TBL1XR1: variants seen among roughly 807,000 people sequenced by gnomAD.
TBL1XR1 encodes F-box-like/WD repeat-containing protein TBL1XR1.
A neutral mutation model predicts 66.9 loss-of-function variants in TBL1XR1; 5 were observed. The observed-to-expected ratio is 0.07, with a 90% CI of 0.04 to 0.16. The LOEUF is 0.16. Among genes scored for constraint, TBL1XR1 ranks in the 10% least tolerant of loss-of-function variants. The pLI is 1.00. For synonymous variants in TBL1XR1, 210 were observed against 206.0 expected (o/e 1.02, Z -0.17); for missense variants, 238 against 623.2 (o/e 0.38, Z 6.58).
At chr3:177,139,893 G>A (rs1387490750) in intron 1 of TBL1XR1, among the ~76,000 whole-genome samples, 2 of 152,140 alleles carry the variant, frequency 1.3e-5, no homozygotes, top group Non-Finnish European at 2.9e-5. Flanking sequence ...TAAAATTTCA[G>A]AATGCCAAGA....
chr3:177,149,797 G>C (rs1240556241), intron 1 of TBL1XR1, among the ~76,000 whole-genome samples: 2 of 152,148 alleles, frequency 1.3e-5, no homozygotes, highest in African/African-American at 2.4e-5. Flanking sequence ...CTGGAACACA[G>C]CCGTGCTTAT....
At chr3:177,049,915 A>G (rs1716827752) in intron 7 of TBL1XR1, 82 bp downstream of exon 7, 2 of 1,487,788 alleles carry the variant, frequency 1.3e-6, no homozygotes, top group East Asian at 4.7e-5. Flanking sequence ...CTGAACAAAT[A>G]GACAAACCCT....
At chr3:177,190,126 T>C (rs1314404389) in intron 1 of TBL1XR1, among the ~76,000 whole-genome samples, 1 of 67,020 alleles carries the variant, frequency 1.5e-5, no homozygotes. Flanking sequence ...AGAGTGAAAC[T>C]CCATCTCAAA....
chr3:177,170,609 T>C (rs1447126799), intron 1 of TBL1XR1, among the ~76,000 whole-genome samples: 3 of 152,182 alleles, frequency 2.0e-5, no homozygotes, highest in Non-Finnish European at 4.4e-5. Context: ...CTCACATTTA[T>C]ATTCTAAAGT....
Position 177,048,100 on chromosome 3 carries a change from T to C in TBL1XR1, c.703-551A>G, listed in dbSNP as rs1716564925. ...TTATTAATCCCTTCCCACTATGAAA[T>C]ATTTGCCAATAAAAAGATCAACAAG... is the stretch of plus-strand genomic sequence containing the variant. On this transcript the variant is annotated intron_variant, in intron 7 of 15. Transcript: ENST00000457928. 2.0e-5 allele frequency among the ~76,000 whole-genome samples: 3 copies of C among 152,114 alleles called. No individual in the cohort carries two copies. The South Asian group carries it at 6.2e-4, about 31-fold the overall frequency.
At chr3:177,059,762 G>C (rs894197381) in intron 3 of TBL1XR1, among the ~76,000 whole-genome samples, 5 of 152,176 alleles carry the variant, frequency 3.3e-5, no homozygotes, top group Admixed American at 6.5e-5. Flanking sequence ...GGATATAATT[G>C]TGAGAGTATG....
At chr3:177,109,611 T>C (rs1725306811) in intron 1 of TBL1XR1, among the ~76,000 whole-genome samples, 1 of 152,118 alleles carries the variant, frequency 6.6e-6, no homozygotes, top group African/African-American at 2.4e-5. Flanking sequence ...ATTCACCCAC[T>C]GGGGACAAAA....
chr3:177,152,234 T>C (rs1410171548), intron 1 of TBL1XR1, among the ~76,000 whole-genome samples: 2 of 152,154 alleles, frequency 1.3e-5, no homozygotes, highest in African/African-American at 2.4e-5. Context: ...AGTTGCTACA[T>C]TCACTTTAGA....
chr3:177,144,694 A>G (rs1256605129), intron 1 of TBL1XR1, among the ~76,000 whole-genome samples: 5 of 151,962 alleles, frequency 3.3e-5, no homozygotes, highest in African/African-American at 4.8e-5. Flanking sequence ...CGGAGCTTGC[A>G]GTGCGCCGAG....
intron 1 of TBL1XR1, among the ~76,000 whole-genome samples, chr3:177,158,687 G>A (rs1406400345): frequency 6.6e-6 from 1 of 152,116 alleles, no homozygotes; most frequent in East Asian, 1.9e-4. Context: ...GAGCTAAGAA[G>A]CTGACAGACC....
At chr3:177,148,010 A>AAC (rs1730454675) in intron 1 of TBL1XR1, among the ~76,000 whole-genome samples, 1 of 152,226 alleles carries the variant, frequency 6.6e-6, no homozygotes, top group South Asian at 2.1e-4. Flanking sequence ...ACCATTAAGA[A>AAC]AGTTATCTCT....
chr3:177,097,041 G>C (rs904866059), intron 2 of TBL1XR1, among the ~76,000 whole-genome samples: 1 of 152,084 alleles, frequency 6.6e-6, no homozygotes, highest in Non-Finnish European at 1.5e-5. Context: ...AGTTTAAACA[G>C]AGAAAATCCT....
intron 1 of TBL1XR1, among the ~76,000 whole-genome samples, chr3:177,148,444 A>G (rs1730497852): frequency 6.6e-6 from 1 of 152,222 alleles, no homozygotes; most frequent in African/African-American, 2.4e-5. Flanking sequence ...TCTCAGGCAC[A>G]GTGGCTCACG....
At chr3:177,177,339 A>C (rs1734280301) in intron 1 of TBL1XR1, among the ~76,000 whole-genome samples, 1 of 151,434 alleles carries the variant, frequency 6.6e-6, no homozygotes, top group African/African-American at 2.5e-5. Flanking sequence ...TATCCCAGCT[A>C]CTCAGGAGGC....
chr3:177,030,547 G>C (rs1013344080), intron 14 of TBL1XR1, among the ~76,000 whole-genome samples: 1 of 152,112 alleles, frequency 6.6e-6, no homozygotes, highest in Non-Finnish European at 1.5e-5. Flanking sequence ...TAGGAAGGAA[G>C]AGGAAAATGG....
At chr3:177,047,674 T>A in intron 7 of TBL1XR1, 125 bp from the exon 8 acceptor site, 1 of 1,126,750 alleles carries the variant, frequency 8.9e-7, no homozygotes, top group Non-Finnish European at 1.3e-6. Context: ...TCAAAACTTG[T>A]CAGTTTTGCC....
Position 177,158,247 on chromosome 3 carries a change from T to TA in TBL1XR1, c.-122+38873dup, listed in dbSNP as rs36159061. On this transcript the variant is annotated intron_variant, in intron 1 of 15. Coordinates refer to ENST00000457928, the MANE Select transcript of TBL1XR1 (RefSeq NM_024665.7). ...TTCTTTTCTTTTTTTTTTTTTTTTTTAAGACAGTCTTGCTCAGTCGCCCAG... is the reference window on the plus strand; with the variant it reads ...TTCTTTTCTTTTTTTTTTTTTTTTTTAAAGACAGTCTTGCTCAGTCGCCCAG... Among the ~76,000 whole-genome samples, 13 of 145,472 alleles carry TA rather than the reference T, an allele frequency of 8.9e-5. No individual in the cohort carries two copies. In the East Asian group the frequency reaches 1.4e-3, roughly 16 times the overall value.
chr3:177,098,200 G>A (rs972421937), intron 2 of TBL1XR1, among the ~76,000 whole-genome samples: 4 of 147,832 alleles, frequency 2.7e-5, no homozygotes, highest in East Asian at 2.0e-4. Context: ...CAACAAGAAC[G>A]AAACTCCGTC....
intron 1 of TBL1XR1, among the ~76,000 whole-genome samples, chr3:177,184,569 A>G (rs1387581706): frequency 6.6e-6 from 1 of 152,234 alleles, no homozygotes; most frequent in Non-Finnish European, 1.5e-5. Context: ...TGGGAGGCAG[A>G]GGCCAGTGGA....
Sources: allele counts gnomAD v4.1 joint callset (sites outside exome capture counted in the v4.1 genomes callset), GRCh38; gene constraint gnomAD v4.1.1; transcripts MANE v1.5; gene names NCBI Gene and HGNC (gene_info 2026-07-23, HGNC 2026-07-21).